HS6ST3: variants seen among roughly 807,000 people sequenced by gnomAD.
The protein encoded by HS6ST3 is heparan-sulfate 6-O-sulfotransferase 3.
HS6ST3 carries 12 observed loss-of-function variants against 36.7 expected under a neutral mutation model. The observed-to-expected ratio is 0.33, with a 90% confidence interval of 0.21 to 0.53. The LOEUF (loss-of-function observed/expected upper bound fraction) is 0.53, where lower values mean the gene tolerates loss of function less well. HS6ST3 is among the 20% of genes least tolerant of loss of function. The pLI is 0.95. For missense variants in HS6ST3, 584 were observed against 640.9 expected, an observed-to-expected ratio of 0.91 and a Z score of 0.96; for synonymous variants, 240 against 257.5, an observed-to-expected ratio of 0.93 and a Z score of 0.65.
At chr13:96,156,560 C>G (rs1452903414) in intron 1 of HS6ST3, among the ~76,000 whole-genome samples, 1 of 152,148 alleles carries the variant, frequency 6.6e-6, no homozygotes, top group Non-Finnish European at 1.5e-5. Context: ...GGCAAGATTC[C>G]TGCTGACTTA....
chr13:96,434,320 C>T (rs35428857), intron 1 of HS6ST3, among the ~76,000 whole-genome samples: 3,044 of 152,168 alleles, frequency 0.02, 103 homozygotes, highest in African/African-American at 0.067. Flanking sequence ...TAATATTAAC[C>T]TGGGGTATAA....
At chr13:96,104,382 T>C (rs956976953) in intron 1 of HS6ST3, among the ~76,000 whole-genome samples, 5 of 152,184 alleles carry the variant, frequency 3.3e-5, no homozygotes, top group African/African-American at 1.2e-4. Context: ...TACATGGAAC[T>C]TCTGGGCTGG....
At chr13:96,772,495 A>G (rs1431321293) in intron 1 of HS6ST3, among the ~76,000 whole-genome samples, 2 of 152,238 alleles carry the variant, frequency 1.3e-5, no homozygotes, top group Non-Finnish European at 2.9e-5. Context: ...TAATATGAAT[A>G]TATTTACAAT....
intron 1 of HS6ST3, among the ~76,000 whole-genome samples, chr13:96,131,534 C>T (rs1316252885): frequency 1.3e-5 from 2 of 152,124 alleles, no homozygotes; most frequent in African/African-American, 4.8e-5. Flanking sequence ...TATTACCATA[C>T]ATGCTTATCA....
chr13:96,193,491 A>G (rs6492843), intron 1 of HS6ST3, among the ~76,000 whole-genome samples: 144,182 of 152,216 alleles, frequency 0.95, 68,391 homozygotes, highest in African/African-American at 0.97. Context: ...GCTGTGAAAC[A>G]TGCTGGGGGA....
At position 96,476,219 on chromosome 13, in the gene HS6ST3, ACTT is replaced by A. The variant is rs141582775; in HGVS notation, c.708-356267_708-356265del. Among the ~76,000 whole-genome samples, 933 of 151,524 alleles carry A rather than the reference ACTT, an allele frequency of 6.2e-3. 7 individuals carry two copies. The highest frequency in any genetic ancestry group is 0.022 in the African/African-American group (891 of 40,824). ...GCTGGAGTCTTAACACTCCAAAAACACTTCTTAACACTCCAGATAATTAGGTTA... is the reference window on the plus strand; with the variant it reads ...GCTGGAGTCTTAACACTCCAAAAACACTTAACACTCCAGATAATTAGGTTA... On this transcript the variant is annotated intron_variant, in intron 1 of 1. Coordinates refer to ENST00000376705, the MANE Select transcript of HS6ST3 (RefSeq NM_153456.4).
chr13:96,186,640 G>C (rs964802875), intron 1 of HS6ST3, among the ~76,000 whole-genome samples: 1 of 151,912 alleles, frequency 6.6e-6, no homozygotes, highest in Non-Finnish European at 1.5e-5. Flanking sequence ...TGTACATCAG[G>C]GTCACCATTT....
intron 1 of HS6ST3, among the ~76,000 whole-genome samples, chr13:96,433,095 C>T (rs1295445348): frequency 6.6e-6 from 1 of 152,116 alleles, no homozygotes; most frequent in Non-Finnish European, 1.5e-5. Context: ...AATTGTTTTT[C>T]TCTCACTCTG....
intron 1 of HS6ST3, among the ~76,000 whole-genome samples, chr13:96,209,878 T>C (rs1156612822): frequency 6.6e-6 from 1 of 152,206 alleles, no homozygotes; most frequent in Non-Finnish European, 1.5e-5. Flanking sequence ...TGTCCAGACT[T>C]GATGACATTG....
intron 1 of HS6ST3, among the ~76,000 whole-genome samples, chr13:96,640,407 G>T (rs1410485258): frequency 6.6e-6 from 1 of 151,834 alleles, no homozygotes; most frequent in African/African-American, 2.4e-5. Context: ...ATTTTTAATA[G>T]AATTATTTGG....
chr13:96,614,260 T>C (rs1303270634), intron 1 of HS6ST3, among the ~76,000 whole-genome samples: 1 of 120,210 alleles, frequency 8.3e-6, no homozygotes, highest in Non-Finnish European at 1.6e-5. Context: ...ATCGCACCAC[T>C]GCACTCCAGC....
chr13:96,203,930 A>T (rs988350340), intron 1 of HS6ST3, among the ~76,000 whole-genome samples: 1 of 152,176 alleles, frequency 6.6e-6, no homozygotes, highest in African/African-American at 2.4e-5. Flanking sequence ...ATTCATATTC[A>T]TATCTTTATC....
intron 1 of HS6ST3, among the ~76,000 whole-genome samples, chr13:96,791,688 G>A (rs890958401): frequency 6.6e-6 from 1 of 151,978 alleles, no homozygotes; most frequent in Non-Finnish European, 1.5e-5. Context: ...ATACAACACT[G>A]TTCACCTCTT....
At chr13:96,354,712 T>C (rs1027419958) in intron 1 of HS6ST3, among the ~76,000 whole-genome samples, 8 of 152,128 alleles carry the variant, frequency 5.3e-5, no homozygotes, top group Non-Finnish European at 8.8e-5. Context: ...GAAAAGATAA[T>C]GTAAGTGTTG....
At chr13:96,674,327 C>A (rs575357432) in intron 1 of HS6ST3, among the ~76,000 whole-genome samples, 25 of 152,268 alleles carry the variant, frequency 1.6e-4, no homozygotes, top group Non-Finnish European at 2.9e-4. Context: ...AACCGTGAGC[C>A]AATTAAACCT....
At chr13:96,652,499 A>G (rs1432548264) in intron 1 of HS6ST3, among the ~76,000 whole-genome samples, 6 of 151,910 alleles carry the variant, frequency 3.9e-5, no homozygotes. Flanking sequence ...ATCTTTAACA[A>G]ATGACTGTGC....
intron 1 of HS6ST3, among the ~76,000 whole-genome samples, chr13:96,225,320 T>A (rs2054475252): frequency 6.6e-6 from 1 of 152,230 alleles, no homozygotes; most frequent in Non-Finnish European, 1.5e-5. Flanking sequence ...ATTAGCTATA[T>A]GGGGTTTATT....
intron 1 of HS6ST3, among the ~76,000 whole-genome samples, chr13:96,507,981 G>A (rs989925025): frequency 1.3e-5 from 2 of 152,068 alleles, no homozygotes; most frequent in African/African-American, 4.8e-5. Flanking sequence ...AAATAAGAGT[G>A]ACGAAGAACT....
At chr13:96,095,330 C>G (rs2053785014) in intron 1 of HS6ST3, among the ~76,000 whole-genome samples, 1 of 152,190 alleles carries the variant, frequency 6.6e-6, no homozygotes, top group South Asian at 2.1e-4. Context: ...CTCTCCCATT[C>G]TTAAATAATG....
Sources: allele counts gnomAD v4.1 joint callset (sites outside exome capture counted in the v4.1 genomes callset), GRCh38; gene constraint gnomAD v4.1.1; transcripts MANE v1.5; gene names NCBI Gene and HGNC (gene_info 2026-07-23, HGNC 2026-07-21).